LUZP2: variants seen among roughly 807,000 people sequenced by gnomAD.
The protein encoded by LUZP2 is leucine zipper protein 2.
A neutral mutation model predicts 51.6 loss-of-function variants in LUZP2; 52 were observed. The observed-to-expected ratio is 1.01, with a 90% CI of 0.81 to 1.27. LUZP2 has a LOEUF of 1.27. Ranked by LOEUF, LUZP2 falls within the 50% of genes most tolerant of loss-of-function variation. LUZP2 has a pLI of 0.00. For synonymous variants in LUZP2, 154 were observed against 137.3 expected, an observed-to-expected ratio of 1.12 and a Z score of -0.85; for missense variants, 436 against 395.4, an observed-to-expected ratio of 1.10 and a Z score of -0.87.
At chr11:25,075,157 T>C (rs1273041035) in intron 10 of LUZP2, among the ~76,000 whole-genome samples, 2 of 152,182 alleles carry the variant, frequency 1.3e-5, no homozygotes, top group African/African-American at 2.4e-5. Flanking sequence ...TTATAAATCA[T>C]ACAACAAGAA....
At chr11:24,802,689 T>C (rs1047289331) in intron 5 of LUZP2, among the ~76,000 whole-genome samples, 5 of 151,884 alleles carry the variant, frequency 3.3e-5, no homozygotes, top group African/African-American at 4.8e-5. Flanking sequence ...CAACAACCAC[T>C]CTTTTATTTG....
intron 1 of LUZP2, among the ~76,000 whole-genome samples, chr11:24,672,600 C>T (rs1008708768): frequency 6.6e-6 from 1 of 152,160 alleles, no homozygotes; most frequent in African/African-American, 2.4e-5. Flanking sequence ...TCTTTGCTTT[C>T]TGTGTTCATT....
intron 1 of LUZP2, among the ~76,000 whole-genome samples, chr11:24,514,250 T>C (rs1850396774): frequency 6.6e-6 from 1 of 152,140 alleles, no homozygotes; most frequent in Non-Finnish European, 1.5e-5. Context: ...ATTAAAAATT[T>C]CAAGACAAAG....
rs573192813 is a variant in LUZP2, at chr11:24,647,848, C to T, written c.63-81321C>T. Among the ~76,000 whole-genome samples, 13 of 151,818 alleles carry T rather than the reference C, an allele frequency of 8.6e-5. No individual in the cohort carries two copies. In the South Asian group the frequency reaches 2.7e-3, roughly 31 times the overall value. ...AATAACTATATCTATTTTAATATCACCCTCTCTCTTTTTGAATACCCTGGT... is the reference window on the plus strand; with the variant it reads ...AATAACTATATCTATTTTAATATCATCCTCTCTCTTTTTGAATACCCTGGT... On this transcript the variant is annotated intron_variant, in intron 1 of 11. Transcript: ENST00000336930.
intron 1 of LUZP2, among the ~76,000 whole-genome samples, chr11:24,574,135 CTT>C (rs1324328023): frequency 5.3e-5 from 8 of 150,102 alleles, no homozygotes; most frequent in Non-Finnish European, 1.2e-4. Context: ...TTTCCTTTCT[CTT>C]TCTTTCCTTC....
At chr11:24,764,489 CTAAAAAAAA>C (rs1404653325) in intron 5 of LUZP2, among the ~76,000 whole-genome samples, 1 of 56,420 alleles carries the variant, frequency 1.8e-5, no homozygotes, top group East Asian at 4.5e-4. Flanking sequence ...AATCTCATCT[CTAAAAAAAA>C]AAAAAAAAAA....
At chr11:24,670,503 T>C (rs2134000600) in intron 1 of LUZP2, among the ~76,000 whole-genome samples, 1 of 152,134 alleles carries the variant, frequency 6.6e-6, no homozygotes, top group East Asian at 1.9e-4. Context: ...TCACATCAAA[T>C]GGCAATTCTT....
chr11:25,043,484 G>A (rs1044486266), intron 9 of LUZP2, among the ~76,000 whole-genome samples: 19 of 150,454 alleles, frequency 1.3e-4, no homozygotes, highest in Admixed American at 4.0e-4. Context: ...CAACAACAAC[G>A]AAAGCAAAAA....
At chr11:24,966,369 C>G (rs979388186) in intron 7 of LUZP2, among the ~76,000 whole-genome samples, 1 of 151,016 alleles carries the variant, frequency 6.6e-6, no homozygotes, top group African/African-American at 2.4e-5. Context: ...TTTTCATTCT[C>G]TCTGTAGTGT....
chr11:25,030,960 A>ATG (rs1318733378), intron 9 of LUZP2, among the ~76,000 whole-genome samples: 4 of 4,488 alleles, frequency 8.9e-4, no homozygotes, highest in African/African-American at 3.8e-3. Context: ...TATATATAAT[A>ATG]CAATATATAT....
intron 9 of LUZP2, among the ~76,000 whole-genome samples, chr11:25,021,409 T>A (rs951956841): frequency 2.2e-5 from 3 of 134,610 alleles, no homozygotes; most frequent in Non-Finnish European, 4.8e-5. Flanking sequence ...TTATTGTCCA[T>A]GCATGTGCAC....
At chr11:25,005,709 A>C (rs199758047) in intron 9 of LUZP2, among the ~76,000 whole-genome samples, 5 of 152,188 alleles carry the variant, frequency 3.3e-5, no homozygotes, top group African/African-American at 1.2e-4. Context: ...CAGCAGAAAC[A>C]CTAGTTTTCC....
rs552090522 is a variant in LUZP2, at chr11:24,896,388, G to A, written c.397-9603G>A. Among the ~76,000 whole-genome samples, 1,167 of 152,274 alleles carry A rather than the reference G, an allele frequency of 7.7e-3. 16 individuals are homozygous for A. Among genetic ancestry groups the A allele is most frequent in the East Asian group, 0.056 (285 of 5,122 alleles). ...GCGGTCCCCACACTTGGAGCAGCCA[G>A]CCGGCCGGCGATGCCAGCTCCAGGC... On this transcript the variant is annotated intron_variant, in intron 5 of 11. Transcript: ENST00000336930.
At chr11:24,696,950 G>T (rs1857268789) in intron 1 of LUZP2, among the ~76,000 whole-genome samples, 1 of 151,926 alleles carries the variant, frequency 6.6e-6, no homozygotes, top group Admixed American at 6.6e-5. Flanking sequence ...CAACAGTAAA[G>T]AACTTGAATA....
At chr11:24,948,829 A>G (rs55876200) in intron 7 of LUZP2, among the ~76,000 whole-genome samples, 2 of 3,316 alleles carry the variant, frequency 6.0e-4, no homozygotes, top group Non-Finnish European at 6.8e-3. Flanking sequence ...TCTATCATCT[A>G]TCTATCTATC....
chr11:24,734,534 T>A (rs549251881), intron 3 of LUZP2, among the ~76,000 whole-genome samples: 7 of 151,960 alleles, frequency 4.6e-5, no homozygotes, highest in Non-Finnish European at 5.9e-5. Context: ...TAAAAACTTG[T>A]TTAAAATGCA....
chr11:24,648,160 T>C (rs922429345), intron 1 of LUZP2, among the ~76,000 whole-genome samples: 6 of 152,000 alleles, frequency 3.9e-5, no homozygotes, highest in Non-Finnish European at 7.4e-5. Context: ...TCGATATTCC[T>C]AAAGCTTGTC....
chr11:24,794,270 T>C (rs1263537649), intron 5 of LUZP2, among the ~76,000 whole-genome samples: 1 of 152,164 alleles, frequency 6.6e-6, no homozygotes, highest in Non-Finnish European at 1.5e-5. Context: ...ATTCTACTGA[T>C]ATATTCTACA....
intron 1 of LUZP2, among the ~76,000 whole-genome samples, chr11:24,724,581 T>C (rs1211011879): frequency 6.6e-6 from 1 of 152,026 alleles, no homozygotes. Context: ...AAAAAATCAA[T>C]CAATCAATTA....
Sources: allele counts gnomAD v4.1 joint callset (sites outside exome capture counted in the v4.1 genomes callset), GRCh38; gene constraint gnomAD v4.1.1; transcripts MANE v1.5; gene names NCBI Gene and HGNC (gene_info 2026-07-23, HGNC 2026-07-21).